The following KIAA1549L variants were observed in gnomAD, a reference collection of about 807,000 sequenced individuals.
KIAA1549L encodes the protein UPF0606 protein KIAA1549L.
Under a neutral mutation model 160.7 loss-of-function variants are expected in KIAA1549L, and 88 were observed. The ratio of observed to expected loss-of-function variants is 0.55; its 90% CI spans 0.46 to 0.65. The LOEUF (loss-of-function observed/expected upper bound fraction) is 0.65. KIAA1549L is among the 30% of genes least tolerant of loss of function. KIAA1549L has a pLI of 0.00. For synonymous variants in KIAA1549L, 950 were observed against 976.7 expected, an observed-to-expected ratio of 0.97 and a Z score of 0.51; for missense variants, 2,258 against 2,437.5, an observed-to-expected ratio of 0.93 and a Z score of 1.55.
At chr11:33,626,110 T>A (rs1258403387) in intron 16 of KIAA1549L, among the ~76,000 whole-genome samples, 1 of 150,350 alleles carries the variant, frequency 6.7e-6, no homozygotes, top group Non-Finnish European at 1.5e-5. Context: ...TTCTGTTCCA[T>A]TGATCTATAT....
In KIAA1549L at chr11:33,606,530, A is replaced by T. The variant is rs538410886; in HGVS notation, c.4880-111A>T. On this transcript the variant is annotated intron_variant, in intron 13 of 20. Coordinates refer to ENST00000658780, the MANE Select transcript of KIAA1549L (RefSeq NM_012194.3). ...ACAGAAGCAGATGCTGTCGTTTCTG[A>T]GGTTGTTTTGAGTAAAGTAATGTCC... The T allele has an allele frequency of 7.2e-5, 72 of 997,300 alleles. 1 individual carries two copies. The South Asian group carries it at 1.0e-3, about 14-fold the overall frequency. 61.8% of individuals were successfully genotyped at this position (997,300 alleles called of 1,614,324 possible). A position where few individuals can be genotyped will look rare whatever the true frequency, so the allele number is the denominator to read the frequency against.
At chr11:33,462,253 A>G (rs767282584) in intron 1 of KIAA1549L, among the ~76,000 whole-genome samples, 2 of 152,198 alleles carry the variant, frequency 1.3e-5, no homozygotes, top group Non-Finnish European at 2.9e-5. Flanking sequence ...GTTTACTTTC[A>G]TCCATGAGTC....
At chr11:33,509,185 C>G (rs1489246005) in intron 1 of KIAA1549L, among the ~76,000 whole-genome samples, 1 of 152,306 alleles carries the variant, frequency 6.6e-6, no homozygotes, top group South Asian at 2.1e-4. Flanking sequence ...TTAAAGACAG[C>G]TCTCCTTTCT....
Position 33,542,730 on chromosome 11 carries a change from C to A in KIAA1549L, c.1167C>A (p.Ile389=). 1.2e-6 allele frequency: 2 copies of A among 1,614,000 alleles called. No homozygotes were observed. Among genetic ancestry groups the A allele is most frequent in the Non-Finnish European group, 1.7e-6 (2 of 1,179,866 alleles). Residue 389 remains isoleucine, a synonymous_variant, in exon 2 of 21, where the codon ATC becomes ATA. Transcript: ENST00000658780. ...VASGPASTQQ[I]KAGVPGRVHN... is the part of the protein sequence containing the mutation. ...CAGGTCCTGCATCCACCCAGCAGATCAAAGCTGGGGTGCCTGGAAGAGTGC... is the reference window on the plus strand; with the variant it reads ...CAGGTCCTGCATCCACCCAGCAGATAAAAGCTGGGGTGCCTGGAAGAGTGC...
At chr11:33,391,223 C>T (rs1214431766) in intron 1 of KIAA1549L, among the ~76,000 whole-genome samples, 2 of 152,134 alleles carry the variant, frequency 1.3e-5, no homozygotes. Context: ...ATAATTAACC[C>T]TTTCACTGAA....
intron 6 of KIAA1549L, among the ~76,000 whole-genome samples, chr11:33,558,343 G>A (rs573810589): frequency 6.6e-6 from 1 of 152,266 alleles, no homozygotes; most frequent in African/African-American, 2.4e-5. Context: ...GGGTGAGTGC[G>A]GGGTTCGAGG....
At position 33,668,996 on chromosome 11, in the gene KIAA1549L, A is replaced by G. The variant is rs1852582264; in HGVS notation, c.*842A>G. ...TGCCTTGTTTTGAAGGTGGCCTGAG[A>G]ATGGAGCTTCTCTTTTTCTTGGGAT... On this transcript the variant is annotated 3_prime_UTR_variant, in exon 21 of 21. Coordinates refer to ENST00000658780, the MANE Select transcript of KIAA1549L (RefSeq NM_012194.3). 6.6e-6 allele frequency: 1 copy of G among 152,196 alleles called. No individual in the cohort carries two copies. The highest frequency in any genetic ancestry group is 1.5e-5 in the Non-Finnish European group (1 of 68,032). 9.4% of individuals were successfully genotyped at this position (152,196 alleles called of 1,614,324 possible).
intron 4 of KIAA1549L, 54 bp downstream of exon 4, chr11:33,547,933 C>A: frequency 8.8e-7 from 1 of 1,131,772 alleles, no homozygotes; most frequent in South Asian, 1.3e-5. Context: ...GCTCTTGGGT[C>A]TAGAATATGT....
chr11:33,446,008 A>T (rs949926569), intron 1 of KIAA1549L, among the ~76,000 whole-genome samples: 1 of 151,778 alleles, frequency 6.6e-6, no homozygotes, highest in Non-Finnish European at 1.5e-5. Flanking sequence ...TTTTTCATTG[A>T]TTCACTGTAC....
intron 2 of KIAA1549L, among the ~76,000 whole-genome samples, 158 bp from the exon 3 acceptor site, chr11:33,544,609 A>G (rs1388271334): frequency 6.6e-6 from 1 of 152,190 alleles, no homozygotes; most frequent in Non-Finnish European, 1.5e-5. Flanking sequence ...AATCAAGTTT[A>G]TGAGCCTAGA....
At chr11:33,630,717 A>G (rs561371974) in intron 16 of KIAA1549L, among the ~76,000 whole-genome samples, 3,472 of 152,206 alleles carry the variant, frequency 0.023, 132 homozygotes, top group African/African-American at 0.074. Flanking sequence ...TACCTCAGAT[A>G]GAAATGCAGA....
chr11:33,595,501 T>C (rs1850175174), intron 12 of KIAA1549L, among the ~76,000 whole-genome samples: 1 of 152,210 alleles, frequency 6.6e-6, no homozygotes, highest in Non-Finnish European at 1.5e-5. Flanking sequence ...AGTGCTGGCA[T>C]TACAGGCATG....
At chr11:33,437,688 C>G (rs192605343) in intron 1 of KIAA1549L, among the ~76,000 whole-genome samples, 105 of 152,292 alleles carry the variant, frequency 6.9e-4, no homozygotes, top group Non-Finnish European at 7.4e-5. Flanking sequence ...GGTGGGGCCT[C>G]CCTTTACTAG....
intron 14 of KIAA1549L, among the ~76,000 whole-genome samples, chr11:33,609,179 A>G (rs1043065852): frequency 4.6e-5 from 7 of 152,256 alleles, no homozygotes; most frequent in African/African-American, 1.7e-4. Context: ...AAAATTACAT[A>G]TCTCTCAAGA....
intron 11 of KIAA1549L, 39 bp from the exon 12 acceptor site, chr11:33,591,176 AGCCATGGTTAGAGTCACACTTC>A: frequency 7.8e-7 from 1 of 1,287,410 alleles, no homozygotes; most frequent in African/African-American, 1.5e-5. Context: ...CATCTCTTAA[AGCCATGGTTAGAGTCACACTTC>A]GCTAGAAATA....
chr11:33,383,396 GA>G (rs1166372528), intron 1 of KIAA1549L, among the ~76,000 whole-genome samples: 5 of 152,012 alleles, frequency 3.3e-5, no homozygotes, highest in South Asian at 2.1e-4. Flanking sequence ...TAAACACACA[GA>G]GGGACACATT....
chr11:33,580,602 G>GAAAAGAAAAGA (rs3039004), intron 10 of KIAA1549L, among the ~76,000 whole-genome samples: 12 of 138,342 alleles, frequency 8.7e-5, no homozygotes, highest in Non-Finnish European at 1.4e-4. Context: ...GAAAAGAAAA[G>GAAAAGAAAAGA]AAAAAAAAAG....
At chr11:33,526,333 G>A (rs1218519110) in intron 1 of KIAA1549L, among the ~76,000 whole-genome samples, 1 of 152,182 alleles carries the variant, frequency 6.6e-6, no homozygotes, top group Non-Finnish European at 1.5e-5. Context: ...GTCTGTCCAT[G>A]TGACAACTTC....
chr11:33,488,487 A>G (rs1590282185), intron 1 of KIAA1549L, among the ~76,000 whole-genome samples: 1 of 152,234 alleles, frequency 6.6e-6, no homozygotes, highest in East Asian at 1.9e-4. Context: ...CTTGTTTAAT[A>G]GTTACTAGCA....
Sources: allele counts gnomAD v4.1 joint callset (sites outside exome capture counted in the v4.1 genomes callset), GRCh38; gene constraint gnomAD v4.1.1; transcripts MANE v1.5; gene names NCBI Gene and HGNC (gene_info 2026-07-23, HGNC 2026-07-21).